Variants in NHS observed in about 807,000 individuals in gnomAD.
NHS encodes NHS actin remodeling regulator.
NHS carries 5 observed loss-of-function variants against 72.5 expected under a neutral mutation model. The observed-to-expected ratio is 0.07, with a 90% CI of 0.04 to 0.14. NHS has a LOEUF of 0.14. NHS is among the 10% of genes least tolerant of loss of function. NHS has a pLI of 1.00. For synonymous variants in NHS, 464 were observed against 547.7 expected (o/e 0.85, Z 2.13); for missense variants, 1,072 against 1,355.7 (o/e 0.79, Z 3.29).
intron 3 of NHS, among the ~76,000 whole-genome samples, chrX:17,701,477 A>C (rs988034300): frequency 1.8e-5 from 2 of 110,125 alleles, no homozygotes; most frequent in Non-Finnish European, 3.8e-5. Flanking sequence ...TAGGAACCTA[A>C]TAAAATACAA....
intron 1 of NHS, chrX:17,528,652 C>G (rs1333621900): frequency 8.9e-6 from 1 of 111,833 alleles, no homozygotes; most frequent in Non-Finnish European, 1.9e-5. Context: ...GGAGTGCTGG[C>G]TAACTCACCC....
intron 1 of NHS, among the ~76,000 whole-genome samples, chrX:17,516,958 G>A (rs2065125076): frequency 8.9e-6 from 1 of 112,296 alleles, no homozygotes; most frequent in African/African-American, 3.2e-5. Context: ...AAGCATATGG[G>A]GCTGCTTTAA....
chrX:17,421,842 G>T (rs774362131), intron 1 of NHS, among the ~76,000 whole-genome samples: 53 of 112,129 alleles, frequency 4.7e-4, no homozygotes, highest in Non-Finnish European at 9.4e-4. Context: ...TTCCCAAAGT[G>T]CTAGGATTAC....
intron 1 of NHS, among the ~76,000 whole-genome samples, chrX:17,451,348 C>T (rs1215039143): frequency 3.6e-5 from 4 of 111,435 alleles, no homozygotes; most frequent in Non-Finnish European, 7.5e-5. Flanking sequence ...AGTAACATAC[C>T]ACATATTAAA....
chrX:17,580,644 G>A (rs758486922), intron 1 of NHS, among the ~76,000 whole-genome samples: 10 of 111,579 alleles, frequency 9.0e-5, no homozygotes, highest in Non-Finnish European at 1.7e-4. Context: ...AGAGTGTGGA[G>A]CTTGATGCTG....
chrX:17,665,177 C>A (rs1038729430), intron 1 of NHS, among the ~76,000 whole-genome samples: 1 of 108,880 alleles, frequency 9.2e-6, no homozygotes, highest in African/African-American at 3.3e-5. Context: ...GGGTTTTTAA[C>A]CTACACAATC....
chrX:17,589,269 G>A lies in NHS; in HGVS notation c.566-98473G>A, dbSNP rs557898539. On this transcript the variant is annotated intron_variant, in intron 1 of 8. Coordinates refer to ENST00000676302, the MANE Select transcript of NHS (RefSeq NM_001291867.2). Reference sequence around the variant, plus strand: ...TTTTGGTACACCCATCACCTGAGCAGTATATACTGAACCCAATTTGAAGTC... The same window carrying A: ...TTTTGGTACACCCATCACCTGAGCAATATATACTGAACCCAATTTGAAGTC... 2.0e-4 allele frequency among the ~76,000 whole-genome samples: 22 copies of A among 111,555 alleles called. 1 individual carries two copies. The South Asian group carries it at 8.4e-3, about 42-fold the overall frequency.
chrX:17,617,668 G>T (rs191835503), intron 1 of NHS, among the ~76,000 whole-genome samples: 2 of 112,359 alleles, frequency 1.8e-5, no homozygotes, highest in African/African-American at 6.5e-5. Flanking sequence ...GGAAACTGGG[G>T]TTAGGAATTG....
At chrX:17,485,942 G>A (rs1463168416) in intron 1 of NHS, among the ~76,000 whole-genome samples, 3 of 111,812 alleles carry the variant, frequency 2.7e-5, no homozygotes, top group African/African-American at 9.8e-5. Flanking sequence ...GATTCCAGTG[G>A]TGATCATGGC....
chrX:17,709,393 G>A (rs1258230773), intron 3 of NHS, among the ~76,000 whole-genome samples: 1 of 111,081 alleles, frequency 9.0e-6, no homozygotes, highest in East Asian at 2.8e-4. Context: ...CCCACATCAC[G>A]CTGGTTCATA....
chrX:17,561,572 GCGCACACA>G (rs1332660273), intron 1 of NHS, among the ~76,000 whole-genome samples: 26 of 60,242 alleles, frequency 4.3e-4, no homozygotes, highest in African/African-American at 7.9e-4. Context: ...GCGCGCGCGC[GCGCACACA>G]CACACACACA....
chrX:17,411,411 ATG>A (rs1259329281), intron 1 of NHS, among the ~76,000 whole-genome samples: 1 of 111,701 alleles, frequency 9.0e-6, no homozygotes, highest in African/African-American at 3.3e-5. Flanking sequence ...GAATGAGGTC[ATG>A]TATCCTTGAT....
chrX:17,669,060 A>G, intron 1 of NHS, among the ~76,000 whole-genome samples: 1 of 112,354 alleles, frequency 8.9e-6, no homozygotes, highest in Admixed American at 9.4e-5. Context: ...GGCAAGAAGC[A>G]TCTGCCACAA....
At position 17,385,521 on chromosome X, in the gene NHS, T is replaced by A. The variant is rs112839496; in HGVS notation, c.565+9199T>A. ...AGAGTAAGACTATATCCAGAAAAAA[T>A]TTTTACTTAATTATTATTATTTTTT... On this transcript the variant is annotated intron_variant, in intron 1 of 8. Transcript: ENST00000676302. Among the ~76,000 whole-genome samples, 4 of 110,822 alleles carry A rather than the reference T, an allele frequency of 3.6e-5. No individual in the cohort carries two copies. In the East Asian group the frequency reaches 1.1e-3, roughly 31 times the overall value.
At chrX:17,510,047 G>A (rs1029736275) in intron 1 of NHS, among the ~76,000 whole-genome samples, 4 of 112,507 alleles carry the variant, frequency 3.6e-5, no homozygotes, top group East Asian at 5.6e-4. Context: ...CCTGAAATGT[G>A]TACCCTGGTC....
chrX:17,653,312 A>C (rs2065938717), intron 1 of NHS, among the ~76,000 whole-genome samples: 1 of 111,921 alleles, frequency 8.9e-6, no homozygotes, highest in African/African-American at 3.3e-5. Flanking sequence ...CAAGATTCAG[A>C]GAGTCAAATA....
Position 17,375,359 on chromosome X carries a change from C to T in NHS, c.-399C>T. 3.0e-6 allele frequency: 1 copy of T among 334,274 alleles called. No individual in the cohort carries two copies. Among genetic ancestry groups the T allele is most frequent in the East Asian group, 4.6e-5 (1 of 21,897 alleles). The allele number at this position is 334,274 out of a possible 1,213,427, so 27.5% of individuals were successfully genotyped here. A position where few individuals can be genotyped will look rare whatever the true frequency, so the allele number is the denominator to read the frequency against. The stretch of plus-strand genomic sequence containing the variant: ...CACTCACACCCACCCACCCACTCAC[C>T]CACACACACACAGACACACGCACGC... On this transcript the variant is annotated 5_prime_UTR_variant, in exon 1 of 9. Transcript: ENST00000676302.
At chrX:17,408,332 A>G (rs1416348729) in intron 1 of NHS, among the ~76,000 whole-genome samples, 1 of 111,830 alleles carries the variant, frequency 8.9e-6, no homozygotes, top group Non-Finnish European at 1.9e-5. Context: ...TCTATAAAGA[A>G]TGATCAGATG....
chrX:17,613,259 G>T (rs928795247), intron 1 of NHS, among the ~76,000 whole-genome samples: 4 of 110,909 alleles, frequency 3.6e-5, no homozygotes. Context: ...TGTAATCCCA[G>T]CTACTTGGGA....
Sources: allele counts gnomAD v4.1 joint callset (sites outside exome capture counted in the v4.1 genomes callset), GRCh38; gene constraint gnomAD v4.1.1; transcripts MANE v1.5; gene names NCBI Gene and HGNC (gene_info 2026-07-23, HGNC 2026-07-21).